The following CNTNAP2 variants were observed in gnomAD, a reference collection of about 807,000 sequenced individuals.
CNTNAP2 encodes contactin associated protein 2, also known as contactin-associated protein-like 2.
CNTNAP2 carries 98 observed loss-of-function variants against 155.2 expected under a neutral mutation model. That is an observed-to-expected ratio of 0.63 (90% confidence interval 0.54 to 0.75). The LOEUF (loss-of-function observed/expected upper bound fraction) is 0.75. CNTNAP2 is among the 30% of genes least tolerant of loss of function. The pLI is 0.00. For synonymous variants in CNTNAP2, 651 were observed against 631.2 expected, an observed-to-expected ratio of 1.03 and a Z score of -0.47; for missense variants, 1,727 against 1,688.1, an observed-to-expected ratio of 1.02 and a Z score of -0.40.
At chr7:147,132,197 T>C in intron 7 of CNTNAP2, 48 bp from the exon 8 acceptor site, 1 of 1,610,182 alleles carries the variant, frequency 6.2e-7, no homozygotes, top group Non-Finnish European at 8.5e-7. Flanking sequence ...GACATGGATG[T>C]TCATTTTATT....
intron 1 of CNTNAP2, among the ~76,000 whole-genome samples, chr7:146,155,593 T>G (rs1332517473): frequency 6.6e-6 from 1 of 151,910 alleles, no homozygotes; most frequent in Non-Finnish European, 1.5e-5. Flanking sequence ...GAATAGAGGT[T>G]AAGAAGAAAG....
intron 17 of CNTNAP2, among the ~76,000 whole-genome samples, chr7:148,160,174 A>C (rs978569341): frequency 2.6e-5 from 4 of 152,006 alleles, no homozygotes; most frequent in Admixed American, 1.3e-4. Flanking sequence ...CAGGAGGTCT[A>C]GGCTGCAGTG....
At chr7:146,849,416 A>G (rs1199812984) in intron 3 of CNTNAP2, among the ~76,000 whole-genome samples, 1 of 152,206 alleles carries the variant, frequency 6.6e-6, no homozygotes, top group Non-Finnish European at 1.5e-5. Context: ...TGGTTCAGCA[A>G]GAAGTTCCAT....
At chr7:147,058,699 C>T (rs139795434) in intron 4 of CNTNAP2, among the ~76,000 whole-genome samples, 2,868 of 150,876 alleles carry the variant, frequency 0.019, 95 homozygotes, top group African/African-American at 0.065. Context: ...CTCTGCCTCC[C>T]GGGTTCAAGT....
chr7:146,605,420 A>G (rs900700127), intron 1 of CNTNAP2, among the ~76,000 whole-genome samples: 1 of 151,272 alleles, frequency 6.6e-6, no homozygotes, highest in Non-Finnish European at 1.5e-5. Context: ...TAGCCACCTC[A>G]TGGTGTTGCC....
At chr7:146,183,720 G>C (rs1178924049) in intron 1 of CNTNAP2, among the ~76,000 whole-genome samples, 1 of 151,942 alleles carries the variant, frequency 6.6e-6, no homozygotes, top group Non-Finnish European at 1.5e-5. Context: ...AGGAACAGCT[G>C]GGTCACTTCC....
chr7:148,024,481 CT>C (rs1301040905), intron 15 of CNTNAP2, among the ~76,000 whole-genome samples: 6 of 152,182 alleles, frequency 3.9e-5, no homozygotes, highest in African/African-American at 1.4e-4. Flanking sequence ...TTATTACTAT[CT>C]GAATAAAGTG....
chr7:147,408,332 A>T (rs1054163842), intron 10 of CNTNAP2, among the ~76,000 whole-genome samples: 45 of 152,178 alleles, frequency 3.0e-4, no homozygotes, highest in African/African-American at 1.0e-3. Context: ...CATTCCAGGG[A>T]GCTGGAAAGT....
chr7:147,906,286 G>A (rs1334025502), intron 14 of CNTNAP2, among the ~76,000 whole-genome samples: 6 of 151,880 alleles, frequency 4.0e-5, no homozygotes, highest in African/African-American at 7.3e-5. Flanking sequence ...CTGCCTCCCC[G>A]GTTCAAGCAA....
intron 3 of CNTNAP2, among the ~76,000 whole-genome samples, chr7:146,947,733 C>T (rs1039166876): frequency 1.3e-5 from 2 of 151,042 alleles, no homozygotes; most frequent in African/African-American, 4.9e-5. Flanking sequence ...TAGCAAAACC[C>T]TGTTGCTACA....
At chr7:146,572,949 T>A (rs1405999591) in intron 1 of CNTNAP2, among the ~76,000 whole-genome samples, 1 of 152,076 alleles carries the variant, frequency 6.6e-6, no homozygotes, top group East Asian at 1.9e-4. Context: ...GTGATATGGG[T>A]TTCTGTGAAA....
chr7:147,271,605 A>G (rs1804755420), intron 8 of CNTNAP2, among the ~76,000 whole-genome samples: 1 of 152,226 alleles, frequency 6.6e-6, no homozygotes, highest in Admixed American at 6.5e-5. Context: ...GAGGCCTCAC[A>G]ATCCTGATGG....
intron 2 of CNTNAP2, among the ~76,000 whole-genome samples, chr7:146,781,251 A>T (rs950422182): frequency 6.6e-6 from 1 of 151,362 alleles, no homozygotes; most frequent in Non-Finnish European, 1.5e-5. Flanking sequence ...CAAAAAAAAA[A>T]CACCCTAGGT....
intron 1 of CNTNAP2, among the ~76,000 whole-genome samples, chr7:146,667,726 T>C (rs1474879078): frequency 6.6e-6 from 1 of 152,058 alleles, no homozygotes; most frequent in Non-Finnish European, 1.5e-5. Flanking sequence ...CTCTTTTTTT[T>C]TTTGTACACT....
At chr7:146,765,940 G>A (rs2129184670) in intron 1 of CNTNAP2, among the ~76,000 whole-genome samples, 1 of 152,128 alleles carries the variant, frequency 6.6e-6, no homozygotes, top group African/African-American at 2.4e-5. Context: ...AGAGGAGAGT[G>A]AATCTAGAGC....
chr7:146,589,713 G>T (rs1353214699), intron 1 of CNTNAP2, among the ~76,000 whole-genome samples: 1 of 150,940 alleles, frequency 6.6e-6, no homozygotes, highest in Non-Finnish European at 1.5e-5. Context: ...AAACCTGCAC[G>T]TTCTGCACAT....
intron 9 of CNTNAP2, among the ~76,000 whole-genome samples, chr7:147,339,505 C>T (rs1795723051): frequency 6.6e-6 from 1 of 152,156 alleles, no homozygotes; most frequent in Admixed American, 6.6e-5. Flanking sequence ...TTGCAGCCAC[C>T]AGACTCCATG....
At chr7:146,642,867 G>A (rs1214323294) in intron 1 of CNTNAP2, among the ~76,000 whole-genome samples, 6 of 152,008 alleles carry the variant, frequency 3.9e-5, no homozygotes, top group East Asian at 3.9e-4. Flanking sequence ...GGTGTGAGAT[G>A]GTATCTCGTT....
chr7:146,282,262 A>G (rs529983635), intron 1 of CNTNAP2, among the ~76,000 whole-genome samples: 1 of 152,274 alleles, frequency 6.6e-6, no homozygotes, highest in African/African-American at 2.4e-5. Context: ...TTTGCCCCCA[A>G]CGTGGCAGCT....
Sources: gnomAD v4.1 joint callset for allele counts (sites outside exome capture counted in the v4.1 genomes callset) on GRCh38, gnomAD v4.1.1 for gene constraint, MANE v1.5 for transcripts, NCBI Gene and HGNC (gene_info 2026-07-23, HGNC 2026-07-21) for gene names.